The following CDCA2 variants were observed in gnomAD, a reference collection of about 807,000 sequenced individuals.
CDCA2 encodes the protein cell division cycle-associated protein 2.
In CDCA2, 44 loss-of-function variants were observed where a neutral mutation model predicts 67.0. That is an observed-to-expected ratio of 0.66 (90% CI 0.52 to 0.84). CDCA2 has a LOEUF of 0.84. Ranked by LOEUF, CDCA2 falls within the 40% of genes least tolerant of loss-of-function variation. CDCA2 has a pLI of 0.00. For missense variants in CDCA2, 1,253 were observed against 1,203.2 expected, an observed-to-expected ratio of 1.04 and a Z score of -0.61; for synonymous variants, 447 against 418.7, an observed-to-expected ratio of 1.07 and a Z score of -0.82.
At chr8:25,490,277 G>A (rs1476184946) in intron 13 of CDCA2, among the ~76,000 whole-genome samples, 1 of 151,824 alleles carries the variant, frequency 6.6e-6, no homozygotes, top group Non-Finnish European at 1.5e-5. Context: ...CGGCCAGAAA[G>A]TACAAAAAGG....
intron 4 of CDCA2, among the ~76,000 whole-genome samples, chr8:25,463,472 T>G (rs906684193): frequency 6.6e-6 from 1 of 152,204 alleles, no homozygotes; most frequent in Non-Finnish European, 1.5e-5. Flanking sequence ...TGCTGCCACT[T>G]GTATTAAAAT....
intron 7 of CDCA2, among the ~76,000 whole-genome samples, chr8:25,471,209 G>A (rs1412318551): frequency 1.3e-5 from 2 of 152,098 alleles, no homozygotes; most frequent in Non-Finnish European, 2.9e-5. Flanking sequence ...AACTTCTTTA[G>A]CATTTTTGTA....
rs371312809 is a variant in CDCA2 at position 25,480,074 on chromosome 8, C to T, written c.982C>T (p.Arg328Cys). Residue 328 changes from arginine (R) to cysteine (C), a missense_variant, in exon 8 of 15, where the codon CGT becomes TGT. Transcript: ENST00000330560. Reference protein sequence around the residue: ...DLPTPKTFVLRSVLKKPSVKM... With the variant: ...DLPTPKTFVLCSVLKKPSVKM... ...TCCCACCCCCAAGACCTTTGTACTT[C>T]GTTCTGTACTGAAGAAACCCTCTGT... 1.9e-6 allele frequency: 3 copies of T among 1,614,106 alleles called. No individual in the cohort carries two copies. The highest frequency in any genetic ancestry group is 2.5e-6 in the Non-Finnish European group (3 of 1,180,024).
intron 13 of CDCA2, among the ~76,000 whole-genome samples, chr8:25,490,752 G>C (rs73550847): frequency 1.1e-3 from 166 of 152,300 alleles, no homozygotes; most frequent in African/African-American, 3.6e-3. Flanking sequence ...CATTTGGAAA[G>C]TCCCACAGTC....
At position 25,480,167 on chromosome 8, in the gene CDCA2, G is replaced by A. The variant is rs1209942563; in HGVS notation, c.1032+43G>A. 8 of 1,496,982 alleles carry A rather than the reference G, an allele frequency of 5.3e-6. No individual in the cohort carries two copies. The African/African-American group carries it at 9.7e-5, about 18-fold the overall frequency. The allele number at this position is 1,496,982 out of a possible 1,614,324, so 92.7% of individuals were successfully genotyped here. ...TTTCCTAAAGCAAATGAATAAAAAT[G>A]CATTTTGCTTCAAAGTAATACCCTT... On this transcript the variant is annotated intron_variant, in intron 8 of 14. Coordinates refer to ENST00000330560, the MANE Select transcript of CDCA2 (RefSeq NM_152562.4).
At chr8:25,475,882 TC>T (rs1385511548) in intron 7 of CDCA2, among the ~76,000 whole-genome samples, 1 of 152,178 alleles carries the variant, frequency 6.6e-6, no homozygotes, top group African/African-American at 2.4e-5. Flanking sequence ...TTGCCAGTAC[TC>T]CCAGTGTTTC....
intron 13 of CDCA2, among the ~76,000 whole-genome samples, chr8:25,501,673 C>T (rs561356055): frequency 6.6e-5 from 10 of 152,170 alleles, no homozygotes; most frequent in South Asian, 2.1e-4. Flanking sequence ...TCCGTGGAGC[C>T]GATCTTGAAC....
At chr8:25,478,900 A>G (rs1030320424) in intron 7 of CDCA2, among the ~76,000 whole-genome samples, 1 of 149,308 alleles carries the variant, frequency 6.7e-6, no homozygotes, top group African/African-American at 2.5e-5. Context: ...ATATATATAT[A>G]TATATATATA....
intron 8 of CDCA2, among the ~76,000 whole-genome samples, chr8:25,481,897 T>C (rs1181381926): frequency 6.6e-6 from 1 of 152,222 alleles, no homozygotes; most frequent in Admixed American, 6.5e-5. Context: ...ATGAACTGAC[T>C]TGAGAGACAG....
intron 4 of CDCA2, among the ~76,000 whole-genome samples, chr8:25,465,255 TG>T (rs1448154638): frequency 3.3e-5 from 5 of 152,228 alleles, no homozygotes; most frequent in African/African-American, 1.2e-4. Flanking sequence ...ATTACATGCA[TG>T]AGCCACTGTG....
At chr8:25,500,487 T>C (rs1463589731) in intron 13 of CDCA2, among the ~76,000 whole-genome samples, 1 of 152,180 alleles carries the variant, frequency 6.6e-6, no homozygotes, top group Non-Finnish European at 1.5e-5. Flanking sequence ...GCCATACGTA[T>C]ATTCAATTTT....
At position 25,460,425 on chromosome 8, in the gene CDCA2, C is replaced by T. The variant is rs768265391; in HGVS notation, c.103C>T (p.Pro35Ser). The T allele has an allele frequency of 2.5e-6, 4 of 1,614,130 alleles. No homozygotes were observed. Among genetic ancestry groups the T allele is most frequent in the Middle Eastern group, 1.6e-4 (1 of 6,062 alleles). The change falls in exon 3 of 15, where the codon CCT becomes TCT. Residue 35 changes from proline (P) to serine (S), a missense_variant. Physicochemically the swap from Pro to Ser is moderately conservative, Grantham distance 74. Transcript: ENST00000330560. ...TTTGGGAACTGGGAAGATTGTGACT[C>T]CTCAGAAGCATGCCGAATTACCTCC... is the stretch of plus-strand genomic sequence containing the variant. ...FILGTGKIVT[P>S]QKHAELPPNP...
chr8:25,473,762 T>A (rs1803246601), intron 7 of CDCA2, among the ~76,000 whole-genome samples: 1 of 152,230 alleles, frequency 6.6e-6, no homozygotes, highest in Non-Finnish European at 1.5e-5. Flanking sequence ...TTCTGATACA[T>A]ATTTTTTTCA....
Position 25,507,501 on chromosome 8 carries a change from A to G in CDCA2, c.2835A>G (p.Arg945=), listed in dbSNP as rs1334544911. Residue 945 remains arginine, a synonymous_variant, in exon 15 of 15, where the codon AGA becomes AGG. Coordinates refer to ENST00000330560, the MANE Select transcript of CDCA2 (RefSeq NM_152562.4). ...CCATAAAAGAAACTGTGTCCTCCAGACAAAAACCGCAGATGGCACCTCCCG... is the reference window on the plus strand; with the variant it reads ...CCATAAAAGAAACTGTGTCCTCCAGGCAAAAACCGCAGATGGCACCTCCCG... ...MSPIKETVSS[R]QKPQMAPPVS... is the part of the protein sequence containing the mutation. 1.2e-6 allele frequency: 2 copies of G among 1,613,814 alleles called. No homozygotes were observed. Among genetic ancestry groups the G allele is most frequent in the East Asian group, 2.2e-5 (1 of 44,888 alleles).
intron 13 of CDCA2, among the ~76,000 whole-genome samples, chr8:25,499,749 A>T (rs980533060): frequency 4.6e-5 from 7 of 152,242 alleles, no homozygotes; most frequent in African/African-American, 1.7e-4. Context: ...ATTTTGGAGT[A>T]AACGAAATTG....
intron 7 of CDCA2, among the ~76,000 whole-genome samples, chr8:25,478,629 C>T (rs1317673560): frequency 1.3e-5 from 2 of 152,130 alleles, no homozygotes; most frequent in African/African-American, 4.8e-5. Flanking sequence ...TGTCCATGCC[C>T]ACTGTTCCAG....
intron 13 of CDCA2, among the ~76,000 whole-genome samples, chr8:25,493,681 A>G (rs1804099374): frequency 6.6e-6 from 1 of 152,214 alleles, no homozygotes; most frequent in South Asian, 2.1e-4. Flanking sequence ...TCCTCATCAT[A>G]AGAGAATTGC....
chr8:25,499,120 T>C (rs1179949123), intron 13 of CDCA2, among the ~76,000 whole-genome samples: 1 of 151,920 alleles, frequency 6.6e-6, no homozygotes, highest in South Asian at 2.1e-4. Context: ...TGTTTGAAAT[T>C]TTCCATAATC....
intron 13 of CDCA2, among the ~76,000 whole-genome samples, chr8:25,502,205 G>A (rs147134088): frequency 8.9e-4 from 135 of 152,132 alleles, no homozygotes; most frequent in Non-Finnish European, 1.5e-3. Flanking sequence ...TGTGTTAATT[G>A]TTAATATGTT....
Sources: allele counts gnomAD v4.1 joint callset (sites outside exome capture counted in the v4.1 genomes callset), GRCh38; gene constraint gnomAD v4.1.1; transcripts MANE v1.5; gene names NCBI Gene and HGNC (gene_info 2026-07-23, HGNC 2026-07-21).